Variants in HNF4G observed in about 807,000 individuals in gnomAD.
The protein encoded by HNF4G is hepatocyte nuclear factor 4 gamma.
HNF4G carries 21 observed loss-of-function variants against 50.9 expected under a neutral mutation model. That is an observed-to-expected ratio of 0.41 (90% CI 0.29 to 0.59). The LOEUF is 0.59. Among genes scored for constraint, HNF4G ranks in the 20% least tolerant of loss-of-function variants. The probability of loss-of-function intolerance (pLI) is 0.26; values close to 1 mark genes in which losing one functional copy is unlikely to be tolerated. For missense variants in HNF4G, 527 were observed against 559.4 expected, an observed-to-expected ratio of 0.94 and a Z score of 0.58; for synonymous variants, 198 against 185.6, an observed-to-expected ratio of 1.07 and a Z score of -0.54.
chr8:75,453,726 G>T (rs1811645661), intron 1 of HNF4G, among the ~76,000 whole-genome samples: 1 of 152,110 alleles, frequency 6.6e-6, no homozygotes, highest in South Asian at 2.1e-4. Flanking sequence ...GACACACTGG[G>T]ACTAAGACCT....
At chr8:75,417,378 A>G (rs1810666873) in intron 1 of HNF4G, among the ~76,000 whole-genome samples, 1 of 152,348 alleles carries the variant, frequency 6.6e-6, no homozygotes, top group Admixed American at 6.5e-5. Context: ...TAATTCTTTC[A>G]ATAACTCTAT....
intron 1 of HNF4G, among the ~76,000 whole-genome samples, chr8:75,459,378 A>G (rs1335034373): frequency 6.6e-6 from 1 of 152,180 alleles, no homozygotes; most frequent in African/African-American, 2.4e-5. Flanking sequence ...ACTTGTGCCT[A>G]AATTCTTCTC....
At chr8:75,414,319 TCTTA>T (rs1341625115) in intron 1 of HNF4G, among the ~76,000 whole-genome samples, 1 of 152,130 alleles carries the variant, frequency 6.6e-6, no homozygotes, top group African/African-American at 2.4e-5. Flanking sequence ...GATTCATTCA[TCTTA>T]CTTTGTGCAT....
intron 1 of HNF4G, among the ~76,000 whole-genome samples, chr8:75,452,538 C>T (rs1250756831): frequency 2.6e-5 from 4 of 151,836 alleles, no homozygotes; most frequent in Admixed American, 6.6e-5. Flanking sequence ...GCTAACACGG[C>T]GAAACCCCGT....
chr8:75,432,579 G>A (rs936673011), intron 1 of HNF4G, among the ~76,000 whole-genome samples: 10 of 152,156 alleles, frequency 6.6e-5, no homozygotes, highest in Non-Finnish European at 1.2e-4. Flanking sequence ...GGGATTACAG[G>A]CATAAGCCAC....
chr8:75,525,336 T>C (rs1806149726), intron 2 of HNF4G, among the ~76,000 whole-genome samples: 1 of 152,092 alleles, frequency 6.6e-6, no homozygotes, highest in Non-Finnish European at 1.5e-5. Context: ...GCCCGGCTAA[T>C]TTTTTGTATT....
At position 75,566,595 on chromosome 8, in the gene HNF4G, A is replaced by G. The variant is rs2130827748; in HGVS notation, c.*2499A>G. Reference sequence around the variant, plus strand: ...TTTTCAGCATATTTTCAAAATATTGATAAGGGAAGTTATTACTTTTATATA... The same window carrying G: ...TTTTCAGCATATTTTCAAAATATTGGTAAGGGAAGTTATTACTTTTATATA... On this transcript the variant is annotated 3_prime_UTR_variant, in exon 10 of 10. Coordinates refer to ENST00000396423, the MANE Select transcript of HNF4G (RefSeq NM_004133.5). 1 of 152,612 alleles carries G rather than the reference A, an allele frequency of 6.6e-6. No individual in the cohort carries two copies. The highest frequency in any genetic ancestry group is 1.9e-4 in the East Asian group (1 of 5,180). The allele number at this position is 152,612 out of a possible 1,614,324, so 9.5% of individuals were successfully genotyped here. A position where few individuals can be genotyped will look rare whatever the true frequency, so the allele number is the denominator to read the frequency against.
rs1245845857 is a variant in HNF4G at position 75,565,080 on chromosome 8, G to A, written c.*984G>A. ...TCATTATCGCTGTTTTATAAATAAG[G>A]GAAACTTTAGCTTGAGGGTTTAAGG... On this transcript the variant is annotated 3_prime_UTR_variant, in exon 10 of 10. Transcript: ENST00000396423. 3 of 152,068 alleles carry A rather than the reference G, an allele frequency of 2.0e-5. No homozygotes were observed. Among genetic ancestry groups the A allele is most frequent in the African/African-American group, 4.8e-5 (2 of 41,400 alleles). 9.4% of individuals were successfully genotyped at this position (152,068 alleles called of 1,614,324 possible).
chr8:75,419,750 G>A lies in HNF4G; in HGVS notation c.-144+11588G>A, dbSNP rs564526689. Among the ~76,000 whole-genome samples the A allele has an allele frequency of 1.9e-4, 29 of 152,324 alleles. No individual in the cohort carries two copies. The South Asian group carries it at 2.1e-3, about 11-fold the overall frequency. On this transcript the variant is annotated intron_variant, in intron 1 of 10. Coordinates refer to the HNF4G transcript ENST00000354370. Reference sequence around the variant, plus strand: ...TAGGAGAGTGTGCTCACTCCAGTGCGTCTGTTTTAAAACAGCGAGTGATTA... The same window carrying A: ...TAGGAGAGTGTGCTCACTCCAGTGCATCTGTTTTAAAACAGCGAGTGATTA...
intron 5 of HNF4G, among the ~76,000 whole-genome samples, chr8:75,553,772 C>A (rs1807036433): frequency 6.6e-6 from 1 of 151,866 alleles, no homozygotes; most frequent in South Asian, 2.1e-4. Flanking sequence ...GAAACATGAT[C>A]AGAAATTTAT....
At chr8:75,465,972 T>A (rs1286020912) in intron 1 of HNF4G, among the ~76,000 whole-genome samples, 1 of 152,184 alleles carries the variant, frequency 6.6e-6, no homozygotes, top group Non-Finnish European at 1.5e-5. Flanking sequence ...TTTGTGTGCA[T>A]CTGATGAAAT....
chr8:75,487,950 A>G (rs1812532706), intron 1 of HNF4G, among the ~76,000 whole-genome samples: 2 of 152,282 alleles, frequency 1.3e-5, no homozygotes, highest in African/African-American at 4.8e-5. Context: ...CAAAAGGGGA[A>G]AAGCCCCTTA....
At chr8:75,460,765 G>A (rs1163402310) in intron 1 of HNF4G, among the ~76,000 whole-genome samples, 1 of 152,178 alleles carries the variant, frequency 6.6e-6, no homozygotes, top group African/African-American at 2.4e-5. Context: ...TGGAGCGAAT[G>A]AGCTCAAATC....
At chr8:75,522,034 A>T (rs1001818610) in intron 2 of HNF4G, among the ~76,000 whole-genome samples, 1 of 152,184 alleles carries the variant, frequency 6.6e-6, no homozygotes, top group Admixed American at 6.5e-5. Context: ...TGATGAGTTT[A>T]TTGGGACACG....
chr8:75,425,345 A>G (rs1013872344), intron 1 of HNF4G, among the ~76,000 whole-genome samples: 1 of 151,524 alleles, frequency 6.6e-6, no homozygotes, highest in Non-Finnish European at 1.5e-5. Context: ...TGGCTTCCCT[A>G]AGTGCTAAGA....
intron 9 of HNF4G, among the ~76,000 whole-genome samples, chr8:75,562,445 CA>C (rs1359464946): frequency 3.3e-4 from 50 of 152,134 alleles, no homozygotes; most frequent in African/African-American, 1.2e-3. Flanking sequence ...TAGATCTTAC[CA>C]TTTTCATTTA....
intron 1 of HNF4G, among the ~76,000 whole-genome samples, chr8:75,416,914 C>A (rs1422882650): frequency 6.6e-6 from 1 of 152,178 alleles, no homozygotes; most frequent in Non-Finnish European, 1.5e-5. Context: ...GCTCTCCCTA[C>A]CCAGTTTACT....
intron 1 of HNF4G, among the ~76,000 whole-genome samples, chr8:75,459,372 G>A (rs1811794224): frequency 6.6e-6 from 1 of 152,210 alleles, no homozygotes; most frequent in Admixed American, 6.6e-5. Context: ...TTTTAAACTT[G>A]TGCCTAAATT....
At chr8:75,522,124 A>G (rs1426987967) in intron 2 of HNF4G, among the ~76,000 whole-genome samples, 3 of 152,222 alleles carry the variant, frequency 2.0e-5, no homozygotes, top group African/African-American at 4.8e-5. Flanking sequence ...TCAATGAATG[A>G]CAAAAGCTGT....
Sources: gnomAD v4.1 joint callset for allele counts (sites outside exome capture counted in the v4.1 genomes callset) on GRCh38, gnomAD v4.1.1 for gene constraint, MANE v1.5 for transcripts, NCBI Gene and HGNC (gene_info 2026-07-23, HGNC 2026-07-21) for gene names.